Variants in DAB1 observed in about 807,000 individuals in gnomAD.
DAB1 encodes disabled homolog 1.
DAB1 carries 15 observed loss-of-function variants against 64.6 expected under a neutral mutation model. That is an observed-to-expected ratio of 0.23 (90% CI 0.16 to 0.36). The LOEUF (loss-of-function observed/expected upper bound fraction) is 0.36. Ranked by LOEUF, DAB1 falls within the 10% of genes least tolerant of loss-of-function variation. The probability of loss-of-function intolerance (pLI) is 1.00; values close to 1 mark genes in which losing one functional copy is unlikely to be tolerated. For synonymous variants in DAB1, 235 were observed against 251.9 expected (o/e 0.93, Z 0.64); for missense variants, 596 against 706.7 (o/e 0.84, Z 1.78).
At chr1:57,088,335 T>C (rs1481464913) in intron 4 of DAB1, among the ~76,000 whole-genome samples, 1 of 152,122 alleles carries the variant, frequency 6.6e-6, no homozygotes, top group African/African-American at 2.4e-5. Context: ...CCTCCCAAAG[T>C]GTCGGGATTA....
intron 6 of DAB1, among the ~76,000 whole-genome samples, chr1:57,752,458 C>T (rs1019264586): frequency 1.3e-5 from 2 of 152,118 alleles, no homozygotes; most frequent in African/African-American, 2.4e-5. Flanking sequence ...TAAAGGCAAG[C>T]TTGGCTCAGC....
At chr1:58,116,947 G>A (rs1652372304) in intron 5 of DAB1, among the ~76,000 whole-genome samples, 2 of 152,136 alleles carry the variant, frequency 1.3e-5, no homozygotes, top group Admixed American at 1.3e-4. Context: ...AGAACACAAA[G>A]GACAACCTAA....
At chr1:57,538,659 G>A (rs1472600671) in intron 7 of DAB1, among the ~76,000 whole-genome samples, 2 of 152,160 alleles carry the variant, frequency 1.3e-5, no homozygotes, top group Non-Finnish European at 2.9e-5. Flanking sequence ...ACAGAGAGCA[G>A]GGTCCTCTGC....
chr1:58,459,622 C>G lies in DAB1; in HGVS notation n.257+46438G>C, dbSNP rs144567508. On this transcript the variant is annotated intron_variant and non_coding_transcript_variant, in intron 3 of 20. Coordinates refer to the DAB1 transcript ENST00000485760. ...TGCAGAGAGAGAAGGAGCATCCAGT[C>G]TTTTTATAATGTAATTTCACAAATA... Among the ~76,000 whole-genome samples, 5 of 152,340 alleles carry G rather than the reference C, an allele frequency of 3.3e-5. No individual in the cohort carries two copies. The East Asian group carries it at 9.6e-4, about 29-fold the overall frequency.
chr1:58,374,031 T>C (rs1384416221), intron 3 of DAB1, among the ~76,000 whole-genome samples: 8 of 68,750 alleles, frequency 1.2e-4, no homozygotes, highest in African/African-American at 3.7e-4. Flanking sequence ...GGGTTCTTTG[T>C]TTTTTTCTTG....
In DAB1 at chr1:57,497,464, AC is replaced by A. The variant is rs571049795; in HGVS notation, n.625+152127del. 1.7e-3 allele frequency among the ~76,000 whole-genome samples: 264 copies of A among 152,360 alleles called. 1 individual carries two copies. The highest frequency in any genetic ancestry group is 5.9e-3 in the African/African-American group (247 of 41,596). On this transcript the variant is annotated intron_variant and non_coding_transcript_variant, in intron 7 of 20. Coordinates refer to the DAB1 transcript ENST00000485760. The stretch of plus-strand genomic sequence containing the variant: ...GAGAAAAGAGTAGTGAGCCAGAAAG[AC>A]ATTCTCCTCTGCCCTCATGGAGTTT...
chr1:57,599,788 G>C (rs1308902434), intron 7 of DAB1, among the ~76,000 whole-genome samples: 1 of 152,064 alleles, frequency 6.6e-6, no homozygotes, highest in African/African-American at 2.4e-5. Context: ...TCCCCAGCCC[G>C]GTGCCTGTAG....
At position 57,011,161 on chromosome 1, in the gene DAB1, CT is replaced by C; in HGVS notation, c.1555del (p.Ser519AlafsTer31). On this transcript the variant is annotated frameshift_variant, in exon 13 of 15. Transcript: ENST00000371236. LOFTEE classifies it high-confidence loss of function. ...FEEGFESPSK[S>X]EEQEAPDGSQ... Reference sequence around the variant, plus strand: ...GTCACTTACAGCTTCTTGCTCTTCGCTTTTGCTGGGACTTTCAAAGCCCTCT... The same window carrying C: ...GTCACTTACAGCTTCTTGCTCTTCGCTTTGCTGGGACTTTCAAAGCCCTCT... The C allele has an allele frequency of 6.2e-7, 1 of 1,614,044 alleles. No homozygotes were observed. The highest frequency in any genetic ancestry group is 8.5e-7 in the Non-Finnish European group (1 of 1,179,910).
intron 3 of DAB1, chr1:58,462,593 T>C (rs1465475153): frequency 6.6e-6 from 1 of 152,142 alleles, no homozygotes; most frequent in Non-Finnish European, 1.5e-5. Context: ...CTTTCAAGGG[T>C]GGAGTTAATG....
At chr1:57,193,379 A>ATGTTTT (rs1664316696) in intron 2 of DAB1, among the ~76,000 whole-genome samples, 1 of 71,624 alleles carries the variant, frequency 1.4e-5, no homozygotes, top group South Asian at 3.4e-4. Context: ...TCCGTAGCAT[A>ATGTTTT]TGTTTTTTTT....
intron 3 of DAB1, among the ~76,000 whole-genome samples, chr1:58,456,732 C>A (rs1335015106): frequency 5.3e-5 from 8 of 152,172 alleles, no homozygotes; most frequent in Non-Finnish European, 1.2e-4. Context: ...ATAAGCTCCA[C>A]CACCTCCAAT....
At chr1:57,357,895 A>G (rs1307307614) in intron 1 of DAB1, among the ~76,000 whole-genome samples, 1 of 151,928 alleles carries the variant, frequency 6.6e-6, no homozygotes, top group Non-Finnish European at 1.5e-5. Flanking sequence ...CTCCCCGAAC[A>G]CATGGGGATT....
intron 7 of DAB1, among the ~76,000 whole-genome samples, chr1:57,634,157 G>T (rs1383862291): frequency 6.6e-6 from 1 of 152,206 alleles, no homozygotes. Flanking sequence ...GGTCAGCTTG[G>T]TGTGACCTTG....
intron 7 of DAB1, among the ~76,000 whole-genome samples, chr1:57,572,525 C>T (rs1452152171): frequency 2.0e-5 from 3 of 152,118 alleles, no homozygotes; most frequent in Non-Finnish European, 4.4e-5. Context: ...CTCAGTTTTC[C>T]CATCTATAAC....
intron 6 of DAB1, among the ~76,000 whole-genome samples, chr1:57,673,183 A>C (rs1328043557): frequency 6.6e-6 from 1 of 152,112 alleles, no homozygotes; most frequent in Non-Finnish European, 1.5e-5. Flanking sequence ...CTGTGTCCTC[A>C]CATGACAGAA....
intron 1 of DAB1, among the ~76,000 whole-genome samples, chr1:57,415,011 A>G (rs1288376094): frequency 1.3e-5 from 2 of 152,170 alleles, no homozygotes; most frequent in Non-Finnish European, 2.9e-5. Flanking sequence ...AGATGATTAT[A>G]AAATGTATAC....
intron 1 of DAB1, among the ~76,000 whole-genome samples, chr1:57,298,108 C>T (rs1673349899): frequency 6.6e-6 from 1 of 152,116 alleles, no homozygotes; most frequent in African/African-American, 2.4e-5. Flanking sequence ...ATGTCATTAA[C>T]CTGTCAATCT....
At chr1:57,570,207 T>C (rs545091424) in intron 7 of DAB1, among the ~76,000 whole-genome samples, 1 of 152,054 alleles carries the variant, frequency 6.6e-6, no homozygotes, top group South Asian at 2.1e-4. Flanking sequence ...GACAGAAAAA[T>C]GTGAAAAGAG....
chr1:57,002,010 C>A (rs1645887324), intron 14 of DAB1, among the ~76,000 whole-genome samples: 1 of 152,142 alleles, frequency 6.6e-6, no homozygotes, highest in Non-Finnish European at 1.5e-5. Context: ...GAGGTGCATC[C>A]ACTAACAACA....
Sources: allele counts gnomAD v4.1 joint callset (sites outside exome capture counted in the v4.1 genomes callset), GRCh38; gene constraint gnomAD v4.1.1; transcripts MANE v1.5; gene names NCBI Gene and HGNC (gene_info 2026-07-23, HGNC 2026-07-21).